Variants in FAT3 observed in about 807,000 individuals in gnomAD.
FAT3 encodes the protein FAT atypical cadherin 3, also known as protocadherin Fat 3.
Under a neutral mutation model 310.2 loss-of-function variants are expected in FAT3, and 95 were observed. The ratio of observed to expected loss-of-function variants is 0.31; its 90% CI spans 0.26 to 0.36. The LOEUF is 0.36. Ranked by LOEUF, FAT3 falls within the 10% of genes least tolerant of loss-of-function variation. The pLI, the probability that FAT3 is intolerant of heterozygous loss-of-function variation, is 1.00. For synonymous variants in FAT3, 2,314 were observed against 2,192.9 expected, an observed-to-expected ratio of 1.06 and a Z score of -1.54; for missense variants, 5,408 against 5,715.6, an observed-to-expected ratio of 0.95 and a Z score of 1.74.
rs148408788 is a variant in FAT3 at position 92,727,083 on chromosome 11, T to C, written c.3669+29638T>C. ...TTAAAACCACTCAATCTACTATGAATTTCGATTAACTTCATAAACAGCTAC... is the reference window on the plus strand; with the variant it reads ...TTAAAACCACTCAATCTACTATGAACTTCGATTAACTTCATAAACAGCTAC... On this transcript the variant is annotated intron_variant, in intron 4 of 27. Transcript: ENST00000525166. 8.6e-3 allele frequency among the ~76,000 whole-genome samples: 1,315 copies of C among 152,274 alleles called. 31 individuals are homozygous for C. The highest frequency in any genetic ancestry group is 0.03 in the African/African-American group (1,249 of 41,542).
intron 4 of FAT3, among the ~76,000 whole-genome samples, chr11:92,756,156 A>G (rs1010626832): frequency 2.0e-5 from 3 of 152,200 alleles, no homozygotes; most frequent in African/African-American, 4.8e-5. Flanking sequence ...TCCATAGGGG[A>G]TATGTTCCAA....
At position 92,355,124 on chromosome 11, in the gene FAT3, G is replaced by C. The variant is rs1373186308; in HGVS notation, c.3012G>C (p.Gln1004His). 3.7e-6 allele frequency: 6 copies of C among 1,613,780 alleles called. No homozygotes were observed. The South Asian group carries it at 6.6e-5, about 18-fold the overall frequency. The change falls in exon 2 of 28, where the codon CAG (glutamine) becomes CAC (histidine). Residue 1004 changes from glutamine (Q) to histidine (H), a missense_variant. Gln to His is a conservative substitution (Grantham distance 24). This residue lies in a region of FAT3 where 4,588 missense variants were observed against 4,809.8 expected (regional missense o/e 0.95). Coordinates refer to ENST00000525166, the MANE Select transcript of FAT3 (RefSeq NM_001367949.2). ...LSKELDYEKQQFYNLTVRAKD... is the reference protein window; with the variant it reads ...LSKELDYEKQHFYNLTVRAKD... ...AAGAGCTTGATTATGAGAAACAGCAGTTCTATAACCTTACTGTGCGGGCCA... is the reference window on the plus strand; with the variant it reads ...AAGAGCTTGATTATGAGAAACAGCACTTCTATAACCTTACTGTGCGGGCCA...
chr11:92,634,021 T>C (rs976723396), intron 3 of FAT3, among the ~76,000 whole-genome samples: 4 of 152,204 alleles, frequency 2.6e-5, no homozygotes, highest in Admixed American at 2.6e-4. Context: ...CACATAACTT[T>C]TCAGTCCTTA....
intron 2 of FAT3, among the ~76,000 whole-genome samples, chr11:92,358,368 C>G (rs949859611): frequency 9.9e-5 from 15 of 152,056 alleles, no homozygotes; most frequent in Middle Eastern, 3.2e-3. Context: ...ATCTTGAACC[C>G]ACATCTCCTC....
chr11:92,733,364 G>A (rs551249618), intron 4 of FAT3, among the ~76,000 whole-genome samples: 1 of 151,578 alleles, frequency 6.6e-6, no homozygotes, highest in African/African-American at 2.4e-5. Flanking sequence ...GGTAATATGA[G>A]GCAAGACTGT....
At chr11:92,503,186 C>T (rs1447430881) in intron 2 of FAT3, among the ~76,000 whole-genome samples, 1 of 152,018 alleles carries the variant, frequency 6.6e-6, no homozygotes, top group East Asian at 1.9e-4. Flanking sequence ...AAGAAAATTT[C>T]CATCGACTTT....
At chr11:92,575,776 T>G (rs486106) in intron 3 of FAT3, among the ~76,000 whole-genome samples, 112,496 of 151,860 alleles carry the variant, frequency 0.74, 43,923 homozygotes, top group Non-Finnish European at 0.88. Flanking sequence ...TTGTTTGTTT[T>G]TTTACAAATT....
At chr11:92,629,660 C>T (rs1178714462) in intron 3 of FAT3, among the ~76,000 whole-genome samples, 2 of 152,128 alleles carry the variant, frequency 1.3e-5, no homozygotes, top group Non-Finnish European at 2.9e-5. Flanking sequence ...ATCCTCCTGC[C>T]TCAGCCTCCC....
At chr11:92,232,459 A>G (rs1051335050) in intron 1 of FAT3, among the ~76,000 whole-genome samples, 4 of 152,150 alleles carry the variant, frequency 2.6e-5, no homozygotes, top group African/African-American at 9.7e-5. Flanking sequence ...CTACATATTC[A>G]GACACTGTAT....
intron 1 of FAT3, among the ~76,000 whole-genome samples, chr11:92,251,722 GCC>G (rs1865150190): frequency 1.3e-5 from 1 of 79,608 alleles, no homozygotes; most frequent in African/African-American, 7.2e-5. Context: ...AAATTTGAGT[GCC>G]TACTGTGCCT....
intron 1 of FAT3, among the ~76,000 whole-genome samples, chr11:92,263,934 C>T (rs1027721115): frequency 2.6e-5 from 4 of 151,996 alleles, no homozygotes; most frequent in Non-Finnish European, 1.5e-5. Flanking sequence ...CCAGGCATTA[C>T]GCTAGTGAGG....
At chr11:92,241,041 G>C (rs898713593) in intron 1 of FAT3, among the ~76,000 whole-genome samples, 1 of 151,896 alleles carries the variant, frequency 6.6e-6, no homozygotes, top group African/African-American at 2.4e-5. Flanking sequence ...CAGCATTGCA[G>C]TTTCAGACTT....
At position 92,806,390 on chromosome 11, in the gene FAT3, A is replaced by G. The variant is rs1947507221; in HGVS notation, c.9122A>G (p.Asp3041Gly). 2.5e-6 allele frequency: 4 copies of G among 1,599,752 alleles called. No individual in the cohort carries two copies. The East Asian group carries it at 9.0e-5, about 36-fold the overall frequency. Residue 3041 changes from aspartate (D) to glycine (G), a missense_variant, in exon 12 of 28, where the codon GAC becomes GGC. Physicochemically the swap from Asp to Gly is moderately conservative, Grantham distance 94. Coordinates refer to ENST00000525166, the MANE Select transcript of FAT3 (RefSeq NM_001367949.2). ...GCATATACAGCATTACTTCCTGAAG[A>G]CATTCCATCAAATAAAATCATCCTG... ...QVAYTALLPE[D>G]IPSNKIILKV...
intron 25 of FAT3, among the ~76,000 whole-genome samples, chr11:92,887,995 T>C (rs1213266402): frequency 1.3e-5 from 2 of 152,234 alleles, no homozygotes; most frequent in African/African-American, 4.8e-5. Flanking sequence ...ATTCAATCTA[T>C]AAATCCTTGC....
chr11:92,449,796 C>A (rs1356610676), intron 2 of FAT3, among the ~76,000 whole-genome samples: 2 of 152,122 alleles, frequency 1.3e-5, no homozygotes, highest in African/African-American at 4.8e-5. Context: ...AGTCATTCAG[C>A]CTCCAGAATT....
chr11:92,712,731 A>G (rs1447175855), intron 4 of FAT3, among the ~76,000 whole-genome samples: 2 of 152,222 alleles, frequency 1.3e-5, no homozygotes, highest in African/African-American at 2.4e-5. Context: ...GATATTTCCA[A>G]AGGCATAAAT....
At chr11:92,631,056 T>C (rs1941540907) in intron 3 of FAT3, among the ~76,000 whole-genome samples, 1 of 152,174 alleles carries the variant, frequency 6.6e-6, no homozygotes, top group South Asian at 2.1e-4. Context: ...AGTCAAGAAT[T>C]TTGATATTTA....
At chr11:92,395,220 C>T (rs184126228) in intron 2 of FAT3, among the ~76,000 whole-genome samples, 122 of 152,258 alleles carry the variant, frequency 8.0e-4, no homozygotes, top group African/African-American at 2.8e-3. Flanking sequence ...TAATGCTGAA[C>T]GACTTGAGTT....
intron 3 of FAT3, among the ~76,000 whole-genome samples, chr11:92,614,345 G>T (rs571153262): frequency 6.6e-6 from 1 of 152,206 alleles, no homozygotes; most frequent in African/African-American, 2.4e-5. Flanking sequence ...AAAGGTGCTG[G>T]ACCTTCTTGC....
Sources: allele counts gnomAD v4.1 joint callset (sites outside exome capture counted in the v4.1 genomes callset), GRCh38; gene constraint gnomAD v4.1.1; regional missense constraint gnomAD v4.1.1; transcripts MANE v1.5; gene names NCBI Gene and HGNC (gene_info 2026-07-23, HGNC 2026-07-21).